The following ZNF385B variants were observed in gnomAD, a reference collection of about 807,000 sequenced individuals.
ZNF385B encodes the protein zinc finger protein 385B, also known as zinc finger protein 533.
A neutral mutation model predicts 39.2 loss-of-function variants in ZNF385B; 23 were observed. The observed-to-expected ratio is 0.59, with a 90% CI of 0.42 to 0.83. The LOEUF is 0.83. Ranked by LOEUF, ZNF385B falls within the 40% of genes least tolerant of loss-of-function variation. The probability of loss-of-function intolerance (pLI) is 0.00; values close to 1 mark genes in which losing one functional copy is unlikely to be tolerated. For synonymous variants in ZNF385B, 205 were observed against 222.6 expected (o/e 0.92, Z 0.70); for missense variants, 552 against 598.9 (o/e 0.92, Z 0.82).
At chr2:179,798,306 C>A (rs1303196755) in intron 1 of ZNF385B, among the ~76,000 whole-genome samples, 1 of 151,960 alleles carries the variant, frequency 6.6e-6, no homozygotes. Flanking sequence ...TCTCCAAGGA[C>A]ACCCCATTCC....
chr2:179,648,517 G>A lies in ZNF385B; in HGVS notation c.299-103548C>T, dbSNP rs868502783. 3.3e-5 allele frequency among the ~76,000 whole-genome samples: 5 copies of A among 152,094 alleles called. No homozygotes were observed. In the South Asian group the frequency reaches 6.2e-4, roughly 19 times the overall value. ...GCATGCACATATATACGTTTGCTCC[G>A]AGCACTGGCCACTAAGAAGGTTTGA... is the stretch of plus-strand genomic sequence containing the variant. On this transcript the variant is annotated intron_variant, in intron 3 of 9. Coordinates refer to ENST00000410066, the MANE Select transcript of ZNF385B (RefSeq NM_152520.6).
At chr2:179,467,545 C>A (rs1317296183) in intron 6 of ZNF385B, among the ~76,000 whole-genome samples, 2 of 152,182 alleles carry the variant, frequency 1.3e-5, no homozygotes, top group African/African-American at 4.8e-5. Context: ...TTTTGAAATT[C>A]TCCGAGCATT....
In ZNF385B at chr2:179,493,580, T is replaced by C. The variant is rs960661717; in HGVS notation, c.553-10146A>G. Reference sequence around the variant, plus strand: ...GCACATATATGCGTATACATATGTGTATGTGTACATATATGCGTATACATA... The same window carrying C: ...GCACATATATGCGTATACATATGTGCATGTGTACATATATGCGTATACATA... On this transcript the variant is annotated intron_variant, in intron 5 of 9. Coordinates refer to ENST00000410066, the MANE Select transcript of ZNF385B (RefSeq NM_152520.6). 4.7e-5 allele frequency among the ~76,000 whole-genome samples: 7 copies of C among 148,612 alleles called. No individual in the cohort carries two copies. The East Asian group carries it at 8.0e-4, about 17-fold the overall frequency.
intron 6 of ZNF385B, among the ~76,000 whole-genome samples, chr2:179,455,022 G>A (rs1402230990): frequency 5.3e-5 from 8 of 152,138 alleles, no homozygotes; most frequent in African/African-American, 1.9e-4. Flanking sequence ...AAGTGTATAG[G>A]AATGTCCTGG....
At chr2:179,511,146 A>G (rs2057651761) in intron 5 of ZNF385B, among the ~76,000 whole-genome samples, 1 of 152,082 alleles carries the variant, frequency 6.6e-6, no homozygotes, top group African/African-American at 2.4e-5. Flanking sequence ...GCTGGTGGAG[A>G]GAGGTGGAGT....
At chr2:179,566,340 C>A (rs1052512663) in intron 3 of ZNF385B, among the ~76,000 whole-genome samples, 3 of 152,200 alleles carry the variant, frequency 2.0e-5, no homozygotes, top group Non-Finnish European at 4.4e-5. Context: ...TGCAGGACAG[C>A]TGTGTAAGAT....
chr2:179,677,065 A>G (rs1043987751), intron 3 of ZNF385B, among the ~76,000 whole-genome samples: 1 of 152,252 alleles, frequency 6.6e-6, no homozygotes, highest in Non-Finnish European at 1.5e-5. Context: ...CAAAGCAGTC[A>G]TGAAATACAT....
At chr2:179,499,705 A>G (rs959837709) in intron 5 of ZNF385B, among the ~76,000 whole-genome samples, 2 of 152,152 alleles carry the variant, frequency 1.3e-5, no homozygotes, top group Middle Eastern at 3.4e-3. Context: ...GAGAAACTTA[A>G]AACCTTTCCT....
Position 179,461,659 on chromosome 2 carries a change from G to T in ZNF385B, c.716-14889C>A, listed in dbSNP as rs147460562. The stretch of plus-strand genomic sequence containing the variant: ...ACTGATTGAGTCATCTTAAGCAAGT[G>T]ATTTATGTGATTGGGACCTTAATGC... On this transcript the variant is annotated intron_variant, in intron 6 of 9. Transcript: ENST00000410066. Among the ~76,000 whole-genome samples the T allele has an allele frequency of 1.2e-4, 18 of 152,280 alleles. No homozygotes were observed. In the East Asian group the frequency reaches 3.5e-3, roughly 29 times the overall value.
intron 3 of ZNF385B, among the ~76,000 whole-genome samples, chr2:179,551,576 A>G (rs1574753080): frequency 6.6e-6 from 1 of 152,090 alleles, no homozygotes; most frequent in Non-Finnish European, 1.5e-5. Context: ...GACCACCCAT[A>G]TTGGGTGTAA....
chr2:179,549,333 G>C (rs534852504), intron 3 of ZNF385B, among the ~76,000 whole-genome samples: 1 of 149,428 alleles, frequency 6.7e-6, no homozygotes, highest in East Asian at 1.9e-4. Context: ...TATATACTTA[G>C]GTGTCAAATT....
intron 3 of ZNF385B, among the ~76,000 whole-genome samples, chr2:179,589,339 A>G (rs16866822): frequency 0.031 from 4,751 of 152,262 alleles, 281 homozygotes; most frequent in East Asian, 0.22. Flanking sequence ...CAGAGACTGA[A>G]TGATCCAGCT....
chr2:179,719,861 A>ATGTGAAAAAT (rs1221655838), intron 3 of ZNF385B, among the ~76,000 whole-genome samples: 1 of 152,222 alleles, frequency 6.6e-6, no homozygotes, highest in Admixed American at 6.5e-5. Context: ...TCTTCTAATT[A>ATGTGAAAAAT]CCTGTGAATG....
intron 1 of ZNF385B, among the ~76,000 whole-genome samples, chr2:179,806,628 A>T (rs1463422216): frequency 2.0e-5 from 3 of 152,210 alleles, no homozygotes; most frequent in Non-Finnish European, 4.4e-5. Context: ...TTAAGGCTCA[A>T]CACACTTGTA....
chr2:179,506,646 C>T (rs968721937), intron 5 of ZNF385B, among the ~76,000 whole-genome samples: 1 of 152,002 alleles, frequency 6.6e-6, no homozygotes, highest in African/African-American at 2.4e-5. Flanking sequence ...CAAAGATTAA[C>T]TGTTTACCTT....
chr2:179,852,252 T>C (rs1467105525), intron 1 of ZNF385B, among the ~76,000 whole-genome samples: 1 of 152,160 alleles, frequency 6.6e-6, no homozygotes, highest in Non-Finnish European at 1.5e-5. Flanking sequence ...AATAAATTGC[T>C]TTTCCTAGGA....
intron 3 of ZNF385B, among the ~76,000 whole-genome samples, chr2:179,612,718 C>T (rs1689393571): frequency 6.6e-6 from 1 of 152,204 alleles, no homozygotes; most frequent in Non-Finnish European, 1.5e-5. Flanking sequence ...GCAGTAACCA[C>T]TGCCTGGCTA....
At chr2:179,619,482 T>A (rs989861250) in intron 3 of ZNF385B, among the ~76,000 whole-genome samples, 1 of 152,166 alleles carries the variant, frequency 6.6e-6, no homozygotes, top group Non-Finnish European at 1.5e-5. Flanking sequence ...TGCTCCCCCA[T>A]CCAGCCAAAA....
chr2:179,839,296 G>A (rs1332502366), intron 1 of ZNF385B, among the ~76,000 whole-genome samples: 1 of 152,178 alleles, frequency 6.6e-6, no homozygotes, highest in Non-Finnish European at 1.5e-5. Flanking sequence ...CCTTACCAGA[G>A]AGAACTGTGA....
Sources: gnomAD v4.1 joint callset for allele counts (sites outside exome capture counted in the v4.1 genomes callset) on GRCh38, gnomAD v4.1.1 for gene constraint, MANE v1.5 for transcripts, NCBI Gene and HGNC (gene_info 2026-07-23, HGNC 2026-07-21) for gene names.